NTN1: variants seen among roughly 807,000 people sequenced by gnomAD.
NTN1 encodes the protein netrin-1.
NTN1 carries 11 observed loss-of-function variants against 54.2 expected under a neutral mutation model. That is an observed-to-expected ratio of 0.20 (90% CI 0.13 to 0.34). NTN1 has a LOEUF of 0.34. Ranked by LOEUF, NTN1 falls within the 10% of genes least tolerant of loss-of-function variation. NTN1 has a pLI of 1.00. For missense variants in NTN1, 740 were observed against 893.1 expected, an observed-to-expected ratio of 0.83 and a Z score of 2.18; for synonymous variants, 371 against 382.0, an observed-to-expected ratio of 0.97 and a Z score of 0.33.
At chr17:9,231,285 A>G (rs1485844970) in intron 6 of NTN1, among the ~76,000 whole-genome samples, 2 of 122,838 alleles carry the variant, frequency 1.6e-5, no homozygotes, top group Admixed American at 1.6e-4. Flanking sequence ...CTGAGATACC[A>G]TGGGGTACCC....
At chr17:9,148,558 T>G (rs912813137) in intron 2 of NTN1, among the ~76,000 whole-genome samples, 8 of 152,190 alleles carry the variant, frequency 5.3e-5, no homozygotes, top group African/African-American at 1.9e-4. Flanking sequence ...TTACTAAAAA[T>G]GATTTGTGCC....
intron 2 of NTN1, among the ~76,000 whole-genome samples, chr17:9,116,073 G>A (rs964860942): frequency 6.6e-6 from 1 of 152,236 alleles, no homozygotes; most frequent in South Asian, 2.1e-4. Flanking sequence ...TGTGGGTGTC[G>A]TCATCTTGCT....
chr17:9,239,738 C>T lies in NTN1; in HGVS notation c.1585C>T (p.Arg529Cys). 4.3e-6 allele frequency: 7 copies of T among 1,613,774 alleles called. No homozygotes were observed. The highest frequency in any genetic ancestry group is 1.3e-5 in the African/African-American group (1 of 75,052). The change falls in exon 7 of 7, where the codon CGC becomes TGC. Residue 529 changes from arginine (R) to cysteine (C), a missense_variant. Transcript: ENST00000173229. This position sits in a 1 kb window ranked among gnomAD's most constrained non-coding sequence, Gnocchi z 5.2. ...SVYKQGTSRIRRGDQSLWIRS... is the reference protein window; with the variant it reads ...SVYKQGTSRICRGDQSLWIRS... ...GTATAAGCAGGGCACGAGCCGCATC[C>T]GCCGCGGTGACCAGAGCCTGTGGAT...
chr17:9,168,117 T>G (rs77280831), intron 3 of NTN1, among the ~76,000 whole-genome samples: 6,471 of 152,122 alleles, frequency 0.043, 546 homozygotes, highest in East Asian at 0.36. Context: ...AGGGAAGACT[T>G]GTAGGCAGCC....
intron 2 of NTN1, among the ~76,000 whole-genome samples, chr17:9,085,242 C>T (rs752979627): frequency 2.0e-5 from 3 of 152,190 alleles, no homozygotes; most frequent in Non-Finnish European, 2.9e-5. Flanking sequence ...AACCCAGCCC[C>T]CTGTCCAGCT....
chr17:9,203,601 G>A (rs7220573), intron 5 of NTN1, among the ~76,000 whole-genome samples: 77,945 of 151,616 alleles, frequency 0.51, 21,451 homozygotes, highest in African/African-American at 0.73. Context: ...GAGCTTGAGA[G>A]CAGCCTGGCC....
chr17:9,145,139 T>G (rs1391352397), intron 2 of NTN1, among the ~76,000 whole-genome samples: 4 of 152,190 alleles, frequency 2.6e-5, no homozygotes, highest in African/African-American at 7.2e-5. Flanking sequence ...ATGGCCTGCT[T>G]TGGGGACAAT....
At chr17:9,232,196 G>A (rs937553198) in intron 6 of NTN1, among the ~76,000 whole-genome samples, 6 of 152,198 alleles carry the variant, frequency 3.9e-5, no homozygotes, top group Non-Finnish European at 7.4e-5. Context: ...AGGCGGCTGC[G>A]GCTTCCTCCT....
intron 2 of NTN1, among the ~76,000 whole-genome samples, chr17:9,136,216 C>T (rs190508828): frequency 2.9e-4 from 44 of 152,328 alleles, no homozygotes; most frequent in African/African-American, 4.3e-4. Flanking sequence ...CCAAACCAAA[C>T]GGAGCCTAGC....
intron 5 of NTN1, among the ~76,000 whole-genome samples, chr17:9,188,403 G>A (rs1904341692): frequency 7.0e-6 from 1 of 142,850 alleles, no homozygotes; most frequent in Non-Finnish European, 1.5e-5. Context: ...ACTCCAGCCT[G>A]GGCAATAAGA....
chr17:9,063,468 A>G (rs1162435112), intron 2 of NTN1, among the ~76,000 whole-genome samples: 15 of 152,154 alleles, frequency 9.9e-5, no homozygotes, highest in Non-Finnish European at 2.9e-5. Flanking sequence ...CCATGGTCCA[A>G]ACTCAAAGTC....
chr17:9,191,176 C>T (rs183211886), intron 5 of NTN1, among the ~76,000 whole-genome samples: 24 of 152,066 alleles, frequency 1.6e-4, no homozygotes, highest in Non-Finnish European at 3.2e-4. Flanking sequence ...AAATAATAAG[C>T]GGAGCCGGGC....
At chr17:9,088,572 C>T (rs1397448986) in intron 2 of NTN1, among the ~76,000 whole-genome samples, 1 of 152,118 alleles carries the variant, frequency 6.6e-6, no homozygotes, top group East Asian at 1.9e-4. Context: ...GCTCTGAGTC[C>T]CACCTCCACC....
intron 2 of NTN1, among the ~76,000 whole-genome samples, chr17:9,155,452 C>CT (rs899935183): frequency 2.5e-4 from 38 of 152,130 alleles, no homozygotes; most frequent in Non-Finnish European, 1.8e-4. Flanking sequence ...AGCGATTCTC[C>CT]TGCCTCATCC....
the NTN1 span, among the ~76,000 whole-genome samples, chr17:9,011,191 G>T: frequency 6.6e-6 from 1 of 152,200 alleles, no homozygotes; most frequent in African/African-American, 2.4e-5. Context: ...AAGCTTAGCT[G>T]CCTTGCCCTT....
chr17:9,221,041 C>A lies in NTN1; in HGVS notation c.1412-127C>A, dbSNP rs1438041718. The A allele has an allele frequency of 1.3e-6, 1 of 758,972 alleles. No individual in the cohort carries two copies. The highest frequency in any genetic ancestry group is 2.4e-6 in the Non-Finnish European group (1 of 424,700). 47.0% of individuals were successfully genotyped at this position (758,972 alleles called of 1,614,324 possible). A position where few individuals can be genotyped will look rare whatever the true frequency, so the allele number is the denominator to read the frequency against. On this transcript the variant is annotated intron_variant, in intron 5 of 6. Transcript: ENST00000173229. The surrounding 1 kb of genome is among the most constrained non-coding windows in gnomAD (Gnocchi z 4.5). ...CTTTCCTGAATGGCCGCCTGCCCGC[C>A]CGGCCTGGCCCATGGGTATCACAGG...
chr17:9,168,246 A>G (rs1011447860), intron 3 of NTN1, among the ~76,000 whole-genome samples: 2 of 152,230 alleles, frequency 1.3e-5, no homozygotes, highest in African/African-American at 4.8e-5. Context: ...AAATTTAAAA[A>G]TCCTGGCCGG....
intron 5 of NTN1, among the ~76,000 whole-genome samples, chr17:9,210,646 T>A (rs1267579507): frequency 1.3e-5 from 2 of 152,028 alleles, no homozygotes; most frequent in Non-Finnish European, 1.5e-5. Context: ...GTCGCTCACA[T>A]CTGTAATCCC....
intron 5 of NTN1, among the ~76,000 whole-genome samples, chr17:9,192,109 T>C (rs1904479055): frequency 6.6e-6 from 1 of 152,150 alleles, no homozygotes; most frequent in Non-Finnish European, 1.5e-5. Flanking sequence ...TGGTGCCACT[T>C]TTATGAAGGG....
Sources: gnomAD v4.1 joint callset for allele counts (sites outside exome capture counted in the v4.1 genomes callset) on GRCh38, gnomAD v4.1.1 for gene constraint, Gnocchi (gnomAD v3.1) non-coding constraint, MANE v1.5 for transcripts, NCBI Gene and HGNC (gene_info 2026-07-23, HGNC 2026-07-21) for gene names.